IL17REL: variants seen among roughly 807,000 people sequenced by gnomAD.
IL17REL encodes interleukin 17 receptor E like, also known as interleukin-17 receptor E-like protein.
In IL17REL, 36 loss-of-function variants were observed where a neutral mutation model predicts 49.0. That is an observed-to-expected ratio of 0.73 (90% CI 0.56 to 0.97). The LOEUF (loss-of-function observed/expected upper bound fraction) is 0.97. Ranked by LOEUF, IL17REL falls within the 50% of genes least tolerant of loss-of-function variation. IL17REL has a pLI of 0.00. For synonymous variants in IL17REL, 206 were observed against 192.4 expected (o/e 1.07, Z -0.58); for missense variants, 470 against 453.9 (o/e 1.04, Z -0.32).
chr22:50,000,607 G>T lies in IL17REL; in HGVS notation c.220-15C>A, dbSNP rs770751679. ...TGCACTTGGAGCTGAGCAGGTGCAG[G>T]TGTGAGCTGCGTGGACTCAGAGGCA... On this transcript the variant is annotated splice_polypyrimidine_tract_variant and intron_variant, in intron 3 of 12. Transcript: ENST00000341280. 8.1e-5 allele frequency: 129 copies of T among 1,602,130 alleles called. No individual in the cohort carries two copies. The highest frequency in any genetic ancestry group is 1.0e-4 in the Non-Finnish European group (119 of 1,169,996).
rs2061041744 is a variant in IL17REL, at chr22:49,997,305, ACT to A, written c.974+13_974+14del. On this transcript the variant is annotated intron_variant, in intron 11 of 12. Transcript: ENST00000341280. ...CCCCACCTCCCCAGGATGGAGCCCC[ACT>A]CTCTCGGCTCACTGAGGCTGAAGGG... The A allele has an allele frequency of 1.9e-6, 3 of 1,609,772 alleles. No homozygotes were observed. Among genetic ancestry groups the A allele is most frequent in the Non-Finnish European group, 1.7e-6 (2 of 1,177,348 alleles).
At position 49,998,008 on chromosome 22, in the gene IL17REL, C is replaced by T. The variant is rs749258547; in HGVS notation, c.819+17G>A. ...CCTCCCCAAATAGGGCACTGGCAGG[C>T]TGTGGCAGCCCCTCACCTTCAGGCA... On this transcript the variant is annotated intron_variant, in intron 9 of 12. Coordinates refer to ENST00000341280, the Ensembl canonical transcript of IL17REL. 92 of 1,595,114 alleles carry T rather than the reference C, an allele frequency of 5.8e-5. 1 individual carries two copies. The South Asian group carries it at 1.0e-3, about 18-fold the overall frequency.
At chr22:50,000,629 G>A (rs1569209833) in intron 3 of IL17REL, 37 bp from the exon 5 acceptor site, 2 of 1,584,360 alleles carry the variant, frequency 1.3e-6, no homozygotes, top group Non-Finnish European at 1.7e-6. Flanking sequence ...TGGACTCAGA[G>A]GCACTGCCCA....
At chr22:49,999,957 G>A (rs1224552871) in exon 5 of IL17REL, 1 of 1,515,848 alleles carries the variant, frequency 6.6e-7, no homozygotes. Flanking sequence ...CCCAGTAGCT[G>A]AGCTTCCCCG....
chr22:49,994,943 CA>C (rs1170295910), exon 13 of IL17REL: 1 of 152,394 alleles, frequency 6.6e-6, no homozygotes, highest in Non-Finnish European at 1.5e-5. Flanking sequence ...AGGTGGCCCC[CA>C]GGCAGGTGGC....
chr22:50,001,195 A>G, exon 2 of IL17REL: 1 of 1,579,966 alleles, frequency 6.3e-7, no homozygotes, highest in Non-Finnish European at 8.6e-7. Flanking sequence ...GGACATGGAC[A>G]CGGGGCGTGG....
At chr22:50,000,172 G>A (rs1375291321) in intron 4 of IL17REL, among the ~76,000 whole-genome samples, 24 bp downstream of exon 6, 9 of 152,226 alleles carry the variant, frequency 5.9e-5, no homozygotes, top group African/African-American at 2.2e-4. Flanking sequence ...GGTCTTCGCA[G>A]GGGCGTCGAA....
chr22:50,008,837 G>A (rs1373184178), upstream of IL17REL: 1 of 152,454 alleles, frequency 6.6e-6, no homozygotes, highest in African/African-American at 2.4e-5. Flanking sequence ...TTAGTAAACA[G>A]TGTGGTCTGA....
At chr22:50,009,023 G>A (rs1196129827), upstream of IL17REL, 2 of 152,192 alleles carry the variant, frequency 1.3e-5, no homozygotes, top group South Asian at 2.1e-4. Flanking sequence ...GAGACAGAAC[G>A]ATCCGAAACC....
Position 50,000,308 on chromosome 22 carries a change from GC to G in IL17REL, c.334+169del, listed in dbSNP as rs555356453. 9.2e-5 allele frequency among the ~76,000 whole-genome samples: 14 copies of G among 152,276 alleles called. No homozygotes were observed. The East Asian group carries it at 2.5e-3, about 27-fold the overall frequency. On this transcript the variant is annotated intron_variant, in intron 4 of 12. Transcript: ENST00000341280. The stretch of plus-strand genomic sequence containing the variant: ...CCTCAGGGGCCATCCTCCTCCACCC[GC>G]CCCCCATCCACGCGCTGTGCCTCTG...
intron 1 of IL17REL, among the ~76,000 whole-genome samples, chr22:50,004,290 G>T (rs917188549): frequency 3.9e-5 from 6 of 152,178 alleles, no homozygotes; most frequent in Admixed American, 3.9e-4. Context: ...TGTTGGCCAG[G>T]CTGGTCTTGA....
At chr22:50,009,522 C>A (rs1255257802), upstream of IL17REL, among the ~76,000 whole-genome samples, 1 of 152,142 alleles carries the variant, frequency 6.6e-6, no homozygotes, top group Non-Finnish European at 1.5e-5. Flanking sequence ...AGTCCAGGCC[C>A]CCTGGGGGCG....
intron 2 of IL17REL, 38 bp from the exon 4 acceptor site, chr22:50,000,901 A>C: frequency 6.9e-7 from 1 of 1,458,392 alleles, no homozygotes; most frequent in Non-Finnish European, 9.1e-7. Flanking sequence ...GCATCAGAGC[A>C]GGGCCGCCCC....
At chr22:49,996,882 G>A (rs979770446) in intron 12 of IL17REL, 22 bp from the exon 15 acceptor site, 19 of 619,258 alleles carry the variant, frequency 3.1e-5, no homozygotes, top group South Asian at 4.2e-5. Flanking sequence ...AGGCAGCTCC[G>A]TCAACATGGC....
At chr22:49,996,707 C>A in exon 13 of IL17REL, 1 of 323,744 alleles carries the variant, frequency 3.1e-6, no homozygotes, top group Non-Finnish European at 5.6e-6. Flanking sequence ...TTTCCCCCAC[C>A]CAGTCTCCTG....
At chr22:50,005,574 G>A (rs2061105045) in intron 1 of IL17REL, among the ~76,000 whole-genome samples, 1 of 152,102 alleles carries the variant, frequency 6.6e-6, no homozygotes, top group Non-Finnish European at 1.5e-5. Flanking sequence ...GGTCGAGGCG[G>A]GCGGATCACT....
chr22:49,997,086 A>C lies in IL17REL; in HGVS notation c.975-12T>G. The C allele has an allele frequency of 6.4e-7, 1 of 1,570,488 alleles. No homozygotes were observed. Among genetic ancestry groups the C allele is most frequent in the Non-Finnish European group, 8.6e-7 (1 of 1,162,234 alleles). ...GCTGCCAGGTCACCCTGGGTGGGGG[A>C]GGGCAGGTCACAGGCAATGGGAGGA... On this transcript the variant is annotated splice_polypyrimidine_tract_variant and intron_variant, in intron 11 of 12. Transcript: ENST00000341280.
At chr22:50,002,501 T>C (rs1010302264) in intron 1 of IL17REL, among the ~76,000 whole-genome samples, 48 of 148,642 alleles carry the variant, frequency 3.2e-4, no homozygotes, top group Admixed American at 1.3e-3. Context: ...TTTTCTTTTT[T>C]TTTTTTTTTT....
chr22:49,994,407 C>T (rs933940442), downstream of IL17REL: 9 of 152,372 alleles, frequency 5.9e-5, no homozygotes, highest in Admixed American at 3.9e-4. Flanking sequence ...GTGCGGCCTC[C>T]CACGCCTTTG....
Sources: gnomAD v4.1 joint callset for allele counts (sites outside exome capture counted in the v4.1 genomes callset) on GRCh38, gnomAD v4.1.1 for gene constraint, MANE v1.5 for transcripts, NCBI Gene and HGNC (gene_info 2026-07-23, HGNC 2026-07-21) for gene names.